The following ABCD3 variants were observed in gnomAD, a reference collection of about 807,000 sequenced individuals.
ABCD3 encodes ATP binding cassette subfamily D member 3, also known as ATP-binding cassette sub-family D member 3.
In ABCD3, 41 loss-of-function variants were observed where a neutral mutation model predicts 105.5. That is an observed-to-expected ratio of 0.39 (90% CI 0.30 to 0.50). ABCD3 has a LOEUF of 0.50. Ranked by LOEUF, ABCD3 falls within the 20% of genes least tolerant of loss-of-function variation. The pLI is 0.84. For synonymous variants in ABCD3, 258 were observed against 269.0 expected (o/e 0.96, Z 0.40); for missense variants, 622 against 806.3 (o/e 0.77, Z 2.77).
intron 1 of ABCD3, among the ~76,000 whole-genome samples, chr1:94,448,193 A>G (rs1047281799): frequency 2.0e-5 from 3 of 152,220 alleles, no homozygotes; most frequent in Non-Finnish European, 4.4e-5. Context: ...TCAAATTGCT[A>G]CTATGATAGG....
the ABCD3 span, among the ~76,000 whole-genome samples, chr1:94,397,956 CA>C: frequency 6.6e-6 from 1 of 152,110 alleles, no homozygotes; most frequent in Non-Finnish European, 1.5e-5. Context: ...CTGAGATGTT[CA>C]AATTTTTTTA....
At chr1:94,396,749 A>G in the ABCD3 span, among the ~76,000 whole-genome samples, 2 of 152,226 alleles carry the variant, frequency 1.3e-5, no homozygotes, top group Non-Finnish European at 2.9e-5. Context: ...TTGTACTAAT[A>G]TTAAGGCTTT....
At chr1:94,467,816 C>T in intron 3 of ABCD3, 103 bp from the exon 4 acceptor site, 2 of 759,160 alleles carry the variant, frequency 2.6e-6, no homozygotes, top group Non-Finnish European at 2.3e-6. Context: ...TTGAAACTTA[C>T]ATAAAGCTTT....
At chr1:94,476,039 C>T (rs998460915) in intron 7 of ABCD3, among the ~76,000 whole-genome samples, 4 of 151,994 alleles carry the variant, frequency 2.6e-5, no homozygotes, top group Admixed American at 1.3e-4. Context: ...TGTGTGCATC[C>T]GGCCATTGTT....
chr1:94,452,710 A>G (rs933815840), intron 1 of ABCD3, among the ~76,000 whole-genome samples: 5 of 151,876 alleles, frequency 3.3e-5, no homozygotes, highest in East Asian at 1.9e-4. Context: ...TTTGGTGTCA[A>G]TGGTTTTTTT....
the ABCD3 span, among the ~76,000 whole-genome samples, chr1:94,401,760 A>C: frequency 6.6e-6 from 1 of 152,210 alleles, no homozygotes; most frequent in Non-Finnish European, 1.5e-5. Flanking sequence ...TTTCTTTTTA[A>C]AAAATGATTA....
At chr1:94,387,547 C>T in the ABCD3 span, among the ~76,000 whole-genome samples, 3 of 152,118 alleles carry the variant, frequency 2.0e-5, no homozygotes, top group African/African-American at 7.2e-5. Context: ...AGAACAATTC[C>T]ATTTCTTGAA....
intron 1 of ABCD3, among the ~76,000 whole-genome samples, chr1:94,452,557 A>G (rs1198018148): frequency 6.6e-6 from 1 of 152,224 alleles, no homozygotes; most frequent in African/African-American, 2.4e-5. Context: ...TCTGAAAGTC[A>G]TTATGTACAT....
chr1:94,431,706 G>A (rs1473319623), intron 1 of ABCD3, among the ~76,000 whole-genome samples: 1 of 152,054 alleles, frequency 6.6e-6, no homozygotes, highest in African/African-American at 2.4e-5. Context: ...GACTATAGGT[G>A]TGCACCACCA....
the ABCD3 span, among the ~76,000 whole-genome samples, chr1:94,404,614 A>C: frequency 6.6e-6 from 1 of 152,086 alleles, no homozygotes; most frequent in Non-Finnish European, 1.5e-5. Context: ...AGTCTCAGAG[A>C]AGTGTTACTC....
the ABCD3 span, among the ~76,000 whole-genome samples, chr1:94,400,994 T>C: frequency 6.6e-6 from 1 of 152,308 alleles, no homozygotes; most frequent in Non-Finnish European, 1.5e-5. Flanking sequence ...CACGTGAGTA[T>C]GCTCAGTCAC....
intron 4 of ABCD3, 113 bp from the exon 5 acceptor site, chr1:94,473,652 AT>A (rs1259153829): frequency 2.4e-6 from 2 of 846,722 alleles, no homozygotes; most frequent in Non-Finnish European, 3.9e-6. Flanking sequence ...TTTTTTATTG[AT>A]TGTTTTGATT....
intron 1 of ABCD3, chr1:94,419,265 T>G (rs1239718498): frequency 2.0e-6 from 2 of 985,094 alleles, no homozygotes; most frequent in Non-Finnish European, 2.4e-6. Flanking sequence ...TCTGTCGGAC[T>G]TAGAGGGAAA....
At position 94,418,607 on chromosome 1, in the gene ABCD3, G is replaced by T; in HGVS notation, c.110+19G>T. 2 of 1,578,822 alleles carry T rather than the reference G, an allele frequency of 1.3e-6. No individual in the cohort carries two copies. The highest frequency in any genetic ancestry group is 8.6e-7 in the Non-Finnish European group (1 of 1,168,834). ...TGCACGGGTAAGAAGGCCCGTAGCC[G>T]TGCAGCTTTCCCGGGCTGGAGCGGG... On this transcript the variant is annotated intron_variant, in intron 1 of 22. Transcript: ENST00000370214.
At chr1:94,432,191 A>G in intron 1 of ABCD3, among the ~76,000 whole-genome samples, 1 of 152,212 alleles carries the variant, frequency 6.6e-6, no homozygotes, top group East Asian at 1.9e-4. Context: ...AAATTAAATA[A>G]ACGTTATTTT....
intron 1 of ABCD3, 78 bp downstream of exon 1, chr1:94,418,666 G>T: frequency 6.9e-7 from 1 of 1,447,338 alleles, no homozygotes; most frequent in Non-Finnish European, 9.4e-7. Context: ...CCACCCGGCC[G>T]ACAGGTCTCT....
intron 16 of ABCD3, among the ~76,000 whole-genome samples, chr1:94,495,544 G>A (rs536414883): frequency 6.6e-6 from 1 of 152,298 alleles, no homozygotes; most frequent in East Asian, 1.9e-4. Context: ...AAAGAAAAGT[G>A]AATGCTGAGT....
At chr1:94,483,281 T>G (rs753797417) in intron 10 of ABCD3, 42 bp downstream of exon 10, 1 of 1,478,630 alleles carries the variant, frequency 6.8e-7, no homozygotes, top group Non-Finnish European at 9.5e-7. Context: ...ATGGAAAGGG[T>G]TTTTTTTGTT....
At chr1:94,438,301 TACACACACACACACACAC>T (rs58959540) in intron 1 of ABCD3, among the ~76,000 whole-genome samples, 19 of 128,286 alleles carry the variant, frequency 1.5e-4, no homozygotes, top group African/African-American at 3.7e-4. Flanking sequence ...CACACACACA[TACACACACACACACACAC>T]ACACACACAC....
Sources: gnomAD v4.1 joint callset for allele counts (sites outside exome capture counted in the v4.1 genomes callset) on GRCh38, gnomAD v4.1.1 for gene constraint, MANE v1.5 for transcripts, NCBI Gene and HGNC (gene_info 2026-07-23, HGNC 2026-07-21) for gene names.